The following FCHSD2 variants were observed in gnomAD, a reference collection of about 807,000 sequenced individuals.
FCHSD2 encodes F-BAR and double SH3 domains protein 2.
Under a neutral mutation model 108.1 loss-of-function variants are expected in FCHSD2, and 38 were observed. The ratio of observed to expected loss-of-function variants is 0.35; its 90% confidence interval spans 0.27 to 0.46. The LOEUF is 0.46. Ranked by LOEUF, FCHSD2 falls within the 20% of genes least tolerant of loss-of-function variation. The probability of loss-of-function intolerance (pLI) is 1.00; values close to 1 mark genes in which losing one functional copy is unlikely to be tolerated. For missense variants in FCHSD2, 751 were observed against 897.8 expected, an observed-to-expected ratio of 0.84 and a Z score of 2.09; for synonymous variants, 279 against 314.7, an observed-to-expected ratio of 0.89 and a Z score of 1.20.
chr11:73,073,184 C>G (rs939485909), intron 3 of FCHSD2, among the ~76,000 whole-genome samples: 4 of 152,186 alleles, frequency 2.6e-5, no homozygotes, highest in African/African-American at 9.6e-5. Context: ...TAATTGCAGT[C>G]AGAAGCTAGA....
chr11:73,051,821 T>C (rs1858904115), intron 3 of FCHSD2, among the ~76,000 whole-genome samples: 1 of 151,786 alleles, frequency 6.6e-6, no homozygotes, highest in African/African-American at 2.4e-5. Context: ...ATTAGTGTTT[T>C]CAGGCTTTTT....
intron 2 of FCHSD2, among the ~76,000 whole-genome samples, chr11:73,108,048 C>A (rs958901325): frequency 2.0e-5 from 3 of 152,200 alleles, no homozygotes; most frequent in African/African-American, 7.2e-5. Context: ...GTCTGAGGGT[C>A]CCCTTTTCTC....
rs550282039 is a variant in FCHSD2, at chr11:72,843,610, G to A, written c.1444-78C>T. 36 of 897,798 alleles carry A rather than the reference G, an allele frequency of 4.0e-5. No homozygotes were observed. The South Asian group carries it at 5.1e-4, about 13-fold the overall frequency. The allele number at this position is 897,798 out of a possible 1,614,324, so 55.6% of individuals were successfully genotyped here. The stretch of plus-strand genomic sequence containing the variant: ...ATGTGAGCTGATCATGACAAAAACT[G>A]GGGATCAAAATATTGAAATGATTTT... On this transcript the variant is annotated intron_variant, in intron 14 of 19. Transcript: ENST00000409418.
chr11:72,905,752 T>C (rs1855615891), intron 9 of FCHSD2, among the ~76,000 whole-genome samples: 1 of 152,230 alleles, frequency 6.6e-6, no homozygotes, highest in Admixed American at 6.5e-5. Context: ...TCAATGTCCC[T>C]GCAAAGGACA....
At chr11:73,064,334 G>A (rs984977784) in intron 3 of FCHSD2, among the ~76,000 whole-genome samples, 2 of 152,052 alleles carry the variant, frequency 1.3e-5, no homozygotes, top group South Asian at 2.1e-4. Flanking sequence ...AAAGAAAGCA[G>A]GAAAGATCTA....
intron 3 of FCHSD2, among the ~76,000 whole-genome samples, chr11:73,064,335 GA>G (rs987040545): frequency 2.0e-5 from 3 of 152,116 alleles, no homozygotes; most frequent in African/African-American, 7.2e-5. Context: ...AAGAAAGCAG[GA>G]AAGATCTAAA....
chr11:72,885,245 T>C (rs889119272), intron 12 of FCHSD2, among the ~76,000 whole-genome samples: 13 of 152,188 alleles, frequency 8.5e-5, no homozygotes, highest in African/African-American at 3.1e-4. Context: ...AGTGAGATTA[T>C]TTTATGCTAA....
At chr11:73,001,515 G>A (rs1397287895) in intron 4 of FCHSD2, among the ~76,000 whole-genome samples, 1 of 152,096 alleles carries the variant, frequency 6.6e-6, no homozygotes, top group South Asian at 2.1e-4. Flanking sequence ...TAGTAATAAG[G>A]TAACTGAGGC....
intron 14 of FCHSD2, among the ~76,000 whole-genome samples, chr11:72,844,583 A>T (rs1387101989): frequency 6.6e-6 from 1 of 152,182 alleles, no homozygotes; most frequent in Non-Finnish European, 1.5e-5. Flanking sequence ...GGGGCTGGAA[A>T]GTCCGTGTGG....
chr11:72,993,800 C>T (rs1263007539), intron 5 of FCHSD2, among the ~76,000 whole-genome samples: 1 of 151,836 alleles, frequency 6.6e-6, no homozygotes, highest in Non-Finnish European at 1.5e-5. Flanking sequence ...GGAGATATAC[C>T]TAATGTTAAA....
chr11:72,872,314 C>G (rs1394563710), intron 12 of FCHSD2, among the ~76,000 whole-genome samples: 1 of 133,356 alleles, frequency 7.5e-6, no homozygotes, highest in Non-Finnish European at 1.6e-5. Flanking sequence ...TAGAACCACA[C>G]AATTCACTCA....
At chr11:72,887,931 A>G (rs1012395725) in intron 11 of FCHSD2, among the ~76,000 whole-genome samples, 2 of 152,240 alleles carry the variant, frequency 1.3e-5, no homozygotes, top group South Asian at 2.1e-4. Flanking sequence ...GCAACATTAC[A>G]TAAGTGGAAC....
intron 9 of FCHSD2, among the ~76,000 whole-genome samples, chr11:72,909,365 G>A (rs995489849): frequency 6.6e-6 from 1 of 152,104 alleles, no homozygotes; most frequent in Non-Finnish European, 1.5e-5. Context: ...GGAGTGCAGT[G>A]GCGTGATCTC....
intron 8 of FCHSD2, among the ~76,000 whole-genome samples, chr11:72,968,462 A>C (rs1856953431): frequency 1.3e-5 from 2 of 152,234 alleles, no homozygotes; most frequent in Non-Finnish European, 2.9e-5. Context: ...ATTGAAAGAT[A>C]ATCCATGAGG....
intron 3 of FCHSD2, among the ~76,000 whole-genome samples, chr11:73,066,387 T>C (rs1211727673): frequency 1.3e-5 from 2 of 152,064 alleles, no homozygotes; most frequent in Non-Finnish European, 2.9e-5. Context: ...CCTAGGACCA[T>C]AAAAATCCTA....
chr11:72,958,088 A>C (rs1378932641), intron 8 of FCHSD2, among the ~76,000 whole-genome samples: 2 of 152,204 alleles, frequency 1.3e-5, no homozygotes, highest in Non-Finnish European at 2.9e-5. Context: ...CTCTGTTGTA[A>C]TCTTAAAATA....
intron 4 of FCHSD2, among the ~76,000 whole-genome samples, chr11:73,011,216 T>C (rs1857856712): frequency 6.6e-6 from 1 of 152,100 alleles, no homozygotes; most frequent in Non-Finnish European, 1.5e-5. Flanking sequence ...CAACAATATG[T>C]GCAGGTGCCA....
chr11:73,079,700 C>A (rs1217539631), intron 3 of FCHSD2, among the ~76,000 whole-genome samples: 1 of 151,986 alleles, frequency 6.6e-6, no homozygotes, highest in East Asian at 1.9e-4. Context: ...ATAGAAATAT[C>A]TTTGTCTATA....
intron 2 of FCHSD2, among the ~76,000 whole-genome samples, chr11:73,088,664 T>C (rs182573882): frequency 3.3e-5 from 5 of 152,300 alleles, no homozygotes; most frequent in Admixed American, 6.5e-5. Flanking sequence ...TACACTCATG[T>C]TGTTTTTCTA....
Sources: gnomAD v4.1 joint callset for allele counts (sites outside exome capture counted in the v4.1 genomes callset) on GRCh38, gnomAD v4.1.1 for gene constraint, MANE v1.5 for transcripts, NCBI Gene and HGNC (gene_info 2026-07-23, HGNC 2026-07-21) for gene names.